The following LOC400499 variants were observed in gnomAD, a reference collection of about 807,000 sequenced individuals.
At chr16:11,395,071 G>A in the LOC400499 span, among the ~76,000 whole-genome samples, 7 of 152,238 alleles carry the variant, frequency 4.6e-5, no homozygotes, top group Non-Finnish European at 7.3e-5. Context: ...CAAGCACAAT[G>A]TGATCTTGCC....
chr16:11,387,928 G>C, the LOC400499 span, among the ~76,000 whole-genome samples: 2 of 152,220 alleles, frequency 1.3e-5, no homozygotes, highest in South Asian at 4.1e-4. Flanking sequence ...CTGGCCAACA[G>C]GTCTAGAAAA....
the LOC400499 span, among the ~76,000 whole-genome samples, chr16:11,424,588 G>A: frequency 6.6e-6 from 1 of 152,208 alleles, no homozygotes; most frequent in Non-Finnish European, 1.5e-5. Flanking sequence ...CAGCACAATT[G>A]CCACATGCAG....
the LOC400499 span, among the ~76,000 whole-genome samples, chr16:11,394,857 A>C: frequency 6.6e-6 from 1 of 152,328 alleles, no homozygotes; most frequent in East Asian, 1.9e-4. Context: ...GGCCCTGCTG[A>C]CAACTTGCTT....
At chr16:11,428,583 C>T in the LOC400499 span, among the ~76,000 whole-genome samples, 1 of 152,192 alleles carries the variant, frequency 6.6e-6, no homozygotes, top group East Asian at 1.9e-4. Flanking sequence ...ACAGAGGACG[C>T]TCTCGTCACC....
chr16:11,481,914 C>T, the LOC400499 span, among the ~76,000 whole-genome samples: 1 of 152,124 alleles, frequency 6.6e-6, no homozygotes, highest in African/African-American at 2.4e-5. Context: ...GGATTACAGA[C>T]ATGAGCCACC....
At chr16:11,450,756 G>C in the LOC400499 span, 12 of 1,536,170 alleles carry the variant, frequency 7.8e-6, no homozygotes, top group South Asian at 8.3e-5. Context: ...ACACAGCTCG[G>C]TGTGGCCAGT....
At chr16:11,439,106 C>G in the LOC400499 span, among the ~76,000 whole-genome samples, 1 of 152,112 alleles carries the variant, frequency 6.6e-6, no homozygotes, top group African/African-American at 2.4e-5. Flanking sequence ...GGGGACAGGG[C>G]TCCCACCTGG....
At chr16:11,526,042 CT>C in the LOC400499 span, among the ~76,000 whole-genome samples, 2 of 152,162 alleles carry the variant, frequency 1.3e-5, no homozygotes, top group African/African-American at 4.8e-5. Flanking sequence ...AGTGTGCATT[CT>C]TTTATGAAAC....
chr16:11,374,335 T>A, the LOC400499 span, among the ~76,000 whole-genome samples: 1 of 152,218 alleles, frequency 6.6e-6, no homozygotes, highest in African/African-American at 2.4e-5. Context: ...GTGTAAAAAA[T>A]TTTAAATGTA....
the LOC400499 span, chr16:11,435,908 G>A: frequency 5.0e-6 from 2 of 399,174 alleles, no homozygotes; most frequent in East Asian, 3.6e-5. Flanking sequence ...GGGACAGGAA[G>A]GGTCTATGGG....
chr16:11,421,979 G>C, the LOC400499 span, among the ~76,000 whole-genome samples: 2 of 152,208 alleles, frequency 1.3e-5, no homozygotes, highest in African/African-American at 2.4e-5. Flanking sequence ...ATGATGTGGA[G>C]GGTTTGAGAC....
chr16:11,477,428 C>T, the LOC400499 span, among the ~76,000 whole-genome samples: 2 of 152,208 alleles, frequency 1.3e-5, no homozygotes, highest in Admixed American at 6.5e-5. Flanking sequence ...CTGTCAGTGT[C>T]CTCGCCTTGA....
At chr16:11,513,860 C>G in the LOC400499 span, among the ~76,000 whole-genome samples, 1 of 152,166 alleles carries the variant, frequency 6.6e-6, no homozygotes, top group Non-Finnish European at 1.5e-5. Flanking sequence ...AAAGTCCCAG[C>G]AGTAAGAATA....
At chr16:11,446,585 T>C in the LOC400499 span, 1 of 1,536,088 alleles carries the variant, frequency 6.5e-7, no homozygotes, top group Middle Eastern at 1.7e-4. Context: ...CACCCCTCTG[T>C]GTTCCTGGGG....
chr16:11,389,862 G>A, the LOC400499 span, among the ~76,000 whole-genome samples: 1 of 152,134 alleles, frequency 6.6e-6, no homozygotes, highest in Admixed American at 6.5e-5. Context: ...TGAAGGCAGG[G>A]TCAGCCTCAG....
At chr16:11,413,874 G>A in the LOC400499 span, among the ~76,000 whole-genome samples, 1 of 152,202 alleles carries the variant, frequency 6.6e-6, no homozygotes, top group African/African-American at 2.4e-5. Context: ...ACAGACAGGT[G>A]AAGGAATTTG....
At chr16:11,476,629 C>T in the LOC400499 span, 1 of 390,530 alleles carries the variant, frequency 2.6e-6, no homozygotes. Flanking sequence ...CACATCCACA[C>T]CCATGCACAT....
chr16:11,527,412 TGA>T, the LOC400499 span, among the ~76,000 whole-genome samples: 1 of 151,194 alleles, frequency 6.6e-6, no homozygotes, highest in Admixed American at 6.6e-5. Flanking sequence ...TCCTGACCAA[TGA>T]GGGGAAAAAA....
chr16:11,513,480 G>A, the LOC400499 span, among the ~76,000 whole-genome samples: 32 of 151,276 alleles, frequency 2.1e-4, no homozygotes, highest in African/African-American at 7.8e-4. Flanking sequence ...CGCCCAGGCT[G>A]AAGTGCAGTG....
Sources: allele counts gnomAD v4.1 joint callset (sites outside exome capture counted in the v4.1 genomes callset), GRCh38; gene constraint gnomAD v4.1.1; transcripts MANE v1.5.